Variants in DELE1 observed in about 807,000 individuals in gnomAD.
DELE1 encodes the protein death ligand signal enhancer.
In DELE1, 54 loss-of-function variants were observed where a neutral mutation model predicts 59.3. That is an observed-to-expected ratio of 0.91 (90% CI 0.73 to 1.14). The LOEUF is 1.14. Among genes scored for constraint, DELE1 ranks in the 50% most tolerant of loss-of-function variants. DELE1 has a pLI of 0.00. For missense variants in DELE1, 636 were observed against 643.9 expected, an observed-to-expected ratio of 0.99 and a Z score of 0.13; for synonymous variants, 264 against 259.1, an observed-to-expected ratio of 1.02 and a Z score of -0.18.
intron 10 of DELE1, chr5:141,936,735 A>C: frequency 2.5e-6 from 1 of 392,598 alleles, no homozygotes; most frequent in Non-Finnish European, 3.5e-6. Context: ...GCCCAGGCCA[A>C]GCATAGCTTT....
chr5:141,936,212 C>CT (rs1752339326), intron 10 of DELE1, among the ~76,000 whole-genome samples: 2 of 152,138 alleles, frequency 1.3e-5, no homozygotes, highest in Admixed American at 1.3e-4. Flanking sequence ...TAGCATCCCA[C>CT]TTTATAGGTA....
chr5:141,940,888 T>A lies in DELE1; in HGVS notation c.*2129T>A. On this transcript the variant is annotated 3_prime_UTR_variant, in exon 12 of 12. Coordinates refer to ENST00000432126, the MANE Select transcript of DELE1 (RefSeq NM_014773.5). ...AAAAACAAACAAAAAAAGGTTTCTG[T>A]GGTTAAATAAGTTTGGGAAATGCTG... The A allele has an allele frequency of 1.0e-6, 1 of 985,054 alleles. No homozygotes were observed. The highest frequency in any genetic ancestry group is 4.7e-5 in the South Asian group (1 of 21,266). 61.0% of individuals were successfully genotyped at this position (985,054 alleles called of 1,614,324 possible). A position where few individuals can be genotyped will look rare whatever the true frequency, so the allele number is the denominator to read the frequency against.
Position 141,939,989 on chromosome 5 carries a change from A to T in DELE1, c.*1230A>T. On this transcript the variant is annotated 3_prime_UTR_variant, in exon 12 of 12. Transcript: ENST00000432126. The stretch of plus-strand genomic sequence containing the variant: ...GTTCTTGTCCATCAGTTCATACTGC[A>T]ATTTTATGTGAAAGCATTATGACTG... 3 of 984,958 alleles carry T rather than the reference A, an allele frequency of 3.0e-6. No homozygotes were observed. Among genetic ancestry groups the T allele is most frequent in the Non-Finnish European group, 3.6e-6 (3 of 829,544 alleles). The allele number at this position is 984,958 out of a possible 1,614,324, so 61.0% of individuals were successfully genotyped here. A position where few individuals can be genotyped will look rare whatever the true frequency, so the allele number is the denominator to read the frequency against.
intron 2 of DELE1, among the ~76,000 whole-genome samples, chr5:141,924,942 T>A (rs551840975): frequency 2.6e-5 from 4 of 151,598 alleles, no homozygotes; most frequent in African/African-American, 9.7e-5. Context: ...ATTTTATTTT[T>A]TTTGAGACAG....
At chr5:141,937,494 G>C (rs1426568464) in intron 11 of DELE1, 137 bp downstream of exon 11, 34 of 1,000,208 alleles carry the variant, frequency 3.4e-5, no homozygotes, top group Non-Finnish European at 4.5e-5. Context: ...TTTTGGGATG[G>C]GCACGGTGGC....
In DELE1 at chr5:141,939,216, AT is replaced by A; in HGVS notation, c.*460del. 1 of 630,348 alleles carries A rather than the reference AT, an allele frequency of 1.6e-6. No homozygotes were observed. The highest frequency in any genetic ancestry group is 2.0e-6 in the Non-Finnish European group (1 of 506,142). The allele number at this position is 630,348 out of a possible 1,614,324, so 39.0% of individuals were successfully genotyped here. A position where few individuals can be genotyped will look rare whatever the true frequency, so the allele number is the denominator to read the frequency against. ...ATTAATATTTTCTATTTAGTTATAT[AT>A]TTAATGTATAATATAAAAATATGAT... On this transcript the variant is annotated 3_prime_UTR_variant, in exon 12 of 12. Transcript: ENST00000432126.
chr5:141,937,131 T>C, intron 10 of DELE1, 67 bp from the exon 11 acceptor site: 1 of 1,595,546 alleles, frequency 6.3e-7, no homozygotes, highest in Non-Finnish European at 8.6e-7. Flanking sequence ...ATCTTCCTCC[T>C]CCCTTAGCAT....
In DELE1 at chr5:141,924,565, TG is replaced by T; in HGVS notation, c.32-14del. On this transcript the variant is annotated splice_polypyrimidine_tract_variant and intron_variant, in intron 1 of 11. Transcript: ENST00000432126. ...GGTTCTTGTTGAGGTGCCTGAGTTT[TG>T]GTTGTTCTGTACAGCTCTTCCCCGT... is the stretch of plus-strand genomic sequence containing the variant. 1 of 1,521,966 alleles carries T rather than the reference TG, an allele frequency of 6.6e-7. No homozygotes were observed. The allele number at this position is 1,521,966 out of a possible 1,614,324, so 94.3% of individuals were successfully genotyped here.
At chr5:141,937,861 G>A (rs760043263) in intron 11 of DELE1, among the ~76,000 whole-genome samples, 6 of 147,576 alleles carry the variant, frequency 4.1e-5, no homozygotes, top group African/African-American at 1.3e-4. Flanking sequence ...TTTCACTCTC[G>A]TTGCCCAGGC....
chr5:141,923,954 C>A lies in DELE1; in HGVS notation c.13C>A (p.Pro5Thr). The part of the protein sequence containing the change: MWRL[P>T]GLLGRALPRT... ...TGCTGGCAGCGACATGTGGCGCCTCCCGGGACTCCTGGGCCGAGGTAAGGG... is the reference window on the plus strand; with the variant it reads ...TGCTGGCAGCGACATGTGGCGCCTCACGGGACTCCTGGGCCGAGGTAAGGG... Residue 5 changes from proline (P) to threonine (T), a missense_variant, in exon 1 of 12, where the codon CCG becomes ACG. Physicochemically the swap from Pro to Thr is conservative, Grantham distance 38. Coordinates refer to ENST00000432126, the MANE Select transcript of DELE1 (RefSeq NM_014773.5). 1 of 1,609,352 alleles carries A rather than the reference C, an allele frequency of 6.2e-7. No homozygotes were observed. The highest frequency in any genetic ancestry group is 2.2e-5 in the East Asian group (1 of 44,676).
In DELE1 at chr5:141,941,807, CAAAT is replaced by C; in HGVS notation, c.*3051_*3054del. The C allele has an allele frequency of 1.0e-6, 1 of 985,344 alleles. No homozygotes were observed. The highest frequency in any genetic ancestry group is 6.1e-5 in the Admixed American group (1 of 16,288). The allele number at this position is 985,344 out of a possible 1,614,324, so 61.0% of individuals were successfully genotyped here. On this transcript the variant is annotated 3_prime_UTR_variant, in exon 12 of 12. Coordinates refer to ENST00000432126, the MANE Select transcript of DELE1 (RefSeq NM_014773.5). Reference sequence around the variant, plus strand: ...AGATGTTCAGTAAATATACATTCAACAAATAAGTGAGTGATTATACTCAACTCCC... The same window carrying C: ...AGATGTTCAGTAAATATACATTCAACAAGTGAGTGATTATACTCAACTCCC...
chr5:141,928,053 C>T (rs1029192122), intron 3 of DELE1, 98 bp from the exon 4 acceptor site: 10 of 1,398,936 alleles, frequency 7.1e-6, no homozygotes, highest in Non-Finnish European at 9.7e-6. Flanking sequence ...GGAGCTGCCC[C>T]ACCTGGATTT....
chr5:141,939,042 G>A lies in DELE1; in HGVS notation c.*283G>A. 1.6e-6 allele frequency: 2 copies of A among 1,216,126 alleles called. No individual in the cohort carries two copies. The highest frequency in any genetic ancestry group is 2.1e-6 in the Non-Finnish European group (2 of 973,340). The allele number at this position is 1,216,126 out of a possible 1,614,324, so 75.3% of individuals were successfully genotyped here. A position where few individuals can be genotyped will look rare whatever the true frequency, so the allele number is the denominator to read the frequency against. On this transcript the variant is annotated 3_prime_UTR_variant, in exon 12 of 12. Coordinates refer to ENST00000432126, the MANE Select transcript of DELE1 (RefSeq NM_014773.5). The stretch of plus-strand genomic sequence containing the variant: ...CCCTACTGAAGGGTCCAGAGACCCT[G>A]GTGCTCACCTTAGCCTTTGTCTTTG...
intron 3 of DELE1, among the ~76,000 whole-genome samples, 154 bp from the exon 4 acceptor site, chr5:141,927,997 G>A (rs1751556202): frequency 6.6e-6 from 1 of 152,204 alleles, no homozygotes; most frequent in African/African-American, 2.4e-5. Context: ...TGCCAGTGTG[G>A]TCAGGGCTCC....
intron 10 of DELE1, among the ~76,000 whole-genome samples, chr5:141,935,725 C>A (rs947609515): frequency 1.3e-5 from 2 of 148,738 alleles, no homozygotes; most frequent in African/African-American, 5.3e-5. Flanking sequence ...ATGTGCAGGG[C>A]AAGACTGGGC....
In DELE1 at chr5:141,925,419, C is replaced by A; in HGVS notation, c.156C>A (p.Pro52=). 6.3e-7 allele frequency: 1 copy of A among 1,587,390 alleles called. No homozygotes were observed. The highest frequency in any genetic ancestry group is 1.1e-5 in the South Asian group (1 of 87,520). The change falls in exon 3 of 12, where the codon CCC becomes CCA. Residue 52 remains proline (P), a synonymous_variant. Transcript: ENST00000432126. The part of the protein sequence containing the change: ...VPVPNLDRSG[P]HGPGTSGGPR... ...TTATTTCATCATCTAGGTCAGGTCC[C>A]CATGGCCCAGGCACGAGCGGGGGTC...
rs975479343 is a variant in DELE1, at chr5:141,940,464, G to C, written c.*1705G>C. ...CCACCCCCCACAATCCCATGACTGA[G>C]TGGAGACCAACCAGCCTGGCCAATT... On this transcript the variant is annotated 3_prime_UTR_variant, in exon 12 of 12. Coordinates refer to ENST00000432126, the MANE Select transcript of DELE1 (RefSeq NM_014773.5). The C allele has an allele frequency of 1.0e-6, 1 of 985,360 alleles. No homozygotes were observed. The highest frequency in any genetic ancestry group is 1.7e-5 in the African/African-American group (1 of 57,202). The allele number at this position is 985,360 out of a possible 1,614,324, so 61.0% of individuals were successfully genotyped here.
rs1205244324 is a variant in DELE1, at chr5:141,934,560, T to G, written c.1123T>G (p.Tyr375Asp). ...PYLDEQRAVK[Y>D]LWLAANNGDS... ...CCTGGATGAGCAGAGAGCTGTGAAA[T>G]ATCTTTGGCTTGCAGCCAACAATGG... is the stretch of plus-strand genomic sequence containing the variant. The change falls in exon 10 of 12, where the codon TAT (tyrosine) becomes GAT (aspartate). Residue 375 changes from tyrosine (Y) to aspartate (D), a missense_variant. Transcript: ENST00000432126. 10 of 1,614,144 alleles carry G rather than the reference T, an allele frequency of 6.2e-6. No homozygotes were observed. The highest frequency in any genetic ancestry group is 8.5e-7 in the Non-Finnish European group (1 of 1,180,056).
chr5:141,941,726 G>A lies in DELE1; in HGVS notation c.*2967G>A. 1.0e-6 allele frequency: 1 copy of A among 985,238 alleles called. No homozygotes were observed. Among genetic ancestry groups the A allele is most frequent in the Non-Finnish European group, 1.2e-6 (1 of 829,890 alleles). The allele number at this position is 985,238 out of a possible 1,614,324, so 61.0% of individuals were successfully genotyped here. A position where few individuals can be genotyped will look rare whatever the true frequency, so the allele number is the denominator to read the frequency against. ...TTCAGGGAGTCCTGACACTATGATG[G>A]GAACAAGGCTATTTGGTTTACTATA... On this transcript the variant is annotated 3_prime_UTR_variant, in exon 12 of 12. Coordinates refer to ENST00000432126, the MANE Select transcript of DELE1 (RefSeq NM_014773.5).
Sources: allele counts gnomAD v4.1 joint callset (sites outside exome capture counted in the v4.1 genomes callset), GRCh38; gene constraint gnomAD v4.1.1; transcripts MANE v1.5; gene names NCBI Gene and HGNC (gene_info 2026-07-23, HGNC 2026-07-21).